Variants in CCL3L3 observed in about 807,000 individuals in gnomAD.
CCL3L3 encodes the protein C-C motif chemokine ligand 3 like 3.
In CCL3L3, 6 loss-of-function variants were observed where a neutral mutation model predicts 9.0. That is an observed-to-expected ratio of 0.67 (90% confidence interval 0.37 to 1.32). CCL3L3 has a LOEUF of 1.32. CCL3L3 is among the 40% of genes most tolerant of loss of function. The pLI is 0.02. For synonymous variants in CCL3L3, 38 were observed against 45.7 expected (o/e 0.83, Z 0.68); for missense variants, 93 against 117.0 (o/e 0.79, Z 0.95).
At position 36,195,816 on chromosome 17, in the gene CCL3L3, C is replaced by T. The variant is rs2068614890; in HGVS notation, c.173G>A (p.Cys58Tyr). 1.9e-6 allele frequency: 3 copies of T among 1,583,064 alleles called. No homozygotes were observed. In the East Asian group the frequency reaches 6.7e-5, roughly 35 times the overall value. ...CACTTACATGACACTGGGCTTGGAG[C>T]ACTGGCTGCTCGTCTCAAAGTAGTC... ...IADYFETSSQ[C>Y]SKPSVIFLTK... Residue 58 changes from cysteine to tyrosine, a missense_variant, in exon 2 of 3, where the codon TGC (cysteine) becomes TAC (tyrosine). By Grantham distance (194) the Cys-to-Tyr change is radical. Transcript: ENST00000619989.
intron 1 of CCL3L3, 177 bp downstream of exon 1, chr17:36,196,421 G>A: frequency 3.5e-6 from 3 of 846,238 alleles, no homozygotes; most frequent in Non-Finnish European, 4.0e-6. Context: ...GACTAGGAGG[G>A]CTAAGACCCC....
chr17:36,196,523 G>A, intron 1 of CCL3L3, 75 bp downstream of exon 1: 1 of 1,499,280 alleles, frequency 6.7e-7, no homozygotes, highest in South Asian at 1.1e-5. Context: ...GGGGCTCTCA[G>A]GCCACAAAAA....
intron 1 of CCL3L3, 184 bp from the exon 2 acceptor site, chr17:36,196,096 C>G (rs931624782): frequency 2.8e-6 from 2 of 715,344 alleles, no homozygotes; most frequent in East Asian, 5.1e-5. Context: ...CTTGACTCTT[C>G]ATAGTGGGTT....
intron 2 of CCL3L3, 30 bp from the exon 3 acceptor site, chr17:36,195,406 TGGGGAATCCAGCC>T (rs769852994): frequency 0.017 from 27,453 of 1,571,906 alleles, 3,401 homozygotes; most frequent in South Asian, 0.072. Flanking sequence ...AGTTAAGCAC[TGGGGAATCCAGCC>T]GGGGAATCCT....
Sources: gnomAD v4.1 joint callset for allele counts on GRCh38, gnomAD v4.1.1 for gene constraint, MANE v1.5 for transcripts, NCBI Gene and HGNC (gene_info 2026-07-23, HGNC 2026-07-21) for gene names.